TBC1D1: variants seen among roughly 807,000 people sequenced by gnomAD.
TBC1D1 encodes the protein TBC1 (tre-2/USP6, BUB2, cdc16) domain family, member 1.
A neutral mutation model predicts 125.6 loss-of-function variants in TBC1D1; 89 were observed. The observed-to-expected ratio is 0.71, with a 90% CI of 0.60 to 0.85. The LOEUF is 0.85. TBC1D1 is among the 40% of genes least tolerant of loss of function. TBC1D1 has a pLI of 0.00. For missense variants in TBC1D1, 1,377 were observed against 1,469.2 expected (o/e 0.94, Z 1.03); for synonymous variants, 565 against 564.1 (o/e 1.00, Z -0.02).
chr4:38,010,248 C>G (rs946169284), intron 2 of TBC1D1, among the ~76,000 whole-genome samples: 1 of 152,126 alleles, frequency 6.6e-6, no homozygotes, highest in Non-Finnish European at 1.5e-5. Context: ...CTCTCTCAGC[C>G]CTTATCCTGT....
Position 37,970,348 on chromosome 4 carries a change from A to G in TBC1D1, c.418-44161A>G, listed in dbSNP as rs1393853441. 6.6e-5 allele frequency among the ~76,000 whole-genome samples: 10 copies of G among 152,332 alleles called. No homozygotes were observed. In the East Asian group the frequency reaches 1.9e-3, roughly 29 times the overall value. On this transcript the variant is annotated intron_variant, in intron 2 of 19. Coordinates refer to ENST00000261439, the MANE Select transcript of TBC1D1 (RefSeq NM_015173.4). The stretch of plus-strand genomic sequence containing the variant: ...TTTTCTGTTTGTAAGAGATGATTGC[A>G]TATCATCAAACTTACACTAACATTC...
At chr4:38,008,859 C>T (rs1740893592) in intron 2 of TBC1D1, among the ~76,000 whole-genome samples, 1 of 152,208 alleles carries the variant, frequency 6.6e-6, no homozygotes, top group Non-Finnish European at 1.5e-5. Context: ...TTGGAAATCA[C>T]ATATGCGTGA....
chr4:37,894,477 G>A (rs1183060335), intron 1 of TBC1D1, among the ~76,000 whole-genome samples: 2 of 152,166 alleles, frequency 1.3e-5, no homozygotes, highest in African/African-American at 2.4e-5. Flanking sequence ...CCAACAAAGA[G>A]GCATTTAATT....
chr4:37,925,675 C>A, intron 2 of TBC1D1, among the ~76,000 whole-genome samples: 1 of 121,424 alleles, frequency 8.2e-6, no homozygotes, highest in African/African-American at 2.9e-5. Context: ...GAGCGAGACT[C>A]CATCTCAAAA....
intron 1 of TBC1D1, among the ~76,000 whole-genome samples, chr4:37,894,219 C>T (rs1488891508): frequency 1.3e-5 from 2 of 152,076 alleles, no homozygotes; most frequent in Non-Finnish European, 2.9e-5. Context: ...GAACTCCCGA[C>T]CTTGTGATCC....
At chr4:38,082,332 G>T (rs1756715982) in intron 12 of TBC1D1, among the ~76,000 whole-genome samples, 1 of 152,278 alleles carries the variant, frequency 6.6e-6, no homozygotes, top group African/African-American at 2.4e-5. Context: ...CACTGACCAG[G>T]GGCCATGGTG....
chr4:37,930,114 A>T (rs1195857992), intron 2 of TBC1D1, among the ~76,000 whole-genome samples: 3 of 152,232 alleles, frequency 2.0e-5, no homozygotes. Context: ...ACAACCCATC[A>T]ACAGTAGAAT....
chr4:38,063,230 A>G (rs1350098165), intron 12 of TBC1D1, among the ~76,000 whole-genome samples: 1 of 152,232 alleles, frequency 6.6e-6, no homozygotes, highest in East Asian at 1.9e-4. Context: ...GGCTGGGACT[A>G]GAGTGAGGCC....
At chr4:37,989,070 G>A (rs1185733960) in intron 2 of TBC1D1, among the ~76,000 whole-genome samples, 1 of 152,116 alleles carries the variant, frequency 6.6e-6, no homozygotes, top group Non-Finnish European at 1.5e-5. Flanking sequence ...GTCTCTTATG[G>A]GGAAAATCTA....
intron 18 of TBC1D1, among the ~76,000 whole-genome samples, chr4:38,131,185 G>A (rs1765528616): frequency 6.6e-6 from 1 of 152,160 alleles, no homozygotes; most frequent in Non-Finnish European, 1.5e-5. Flanking sequence ...TTATGGCTTT[G>A]GGTACTGCTG....
intron 12 of TBC1D1, among the ~76,000 whole-genome samples, chr4:38,066,302 T>A (rs1418045122): frequency 1.3e-5 from 2 of 150,448 alleles, no homozygotes; most frequent in Non-Finnish European, 3.0e-5. Flanking sequence ...AGAGGCTTCC[T>A]AGTTGAGTGG....
At chr4:37,994,733 A>C (rs1253077935) in intron 2 of TBC1D1, among the ~76,000 whole-genome samples, 5 of 152,154 alleles carry the variant, frequency 3.3e-5, no homozygotes, top group Admixed American at 2.6e-4. Flanking sequence ...GATCAGCAAG[A>C]AGGAGGGTGA....
intron 8 of TBC1D1, among the ~76,000 whole-genome samples, chr4:38,040,277 TTTTC>T (rs1216546638): frequency 6.6e-5 from 10 of 152,108 alleles, no homozygotes; most frequent in South Asian, 2.1e-4. Flanking sequence ...TTAGCTAATA[TTTTC>T]TTTCTTTCTT....
chr4:37,960,979 C>T (rs1479830100), intron 2 of TBC1D1: 1 of 1,614,104 alleles, frequency 6.2e-7, no homozygotes, highest in Admixed American at 1.7e-5. Context: ...TTTGCAGTCT[C>T]CTTCAAGCAT....
At chr4:37,953,649 T>C (rs575911542) in intron 2 of TBC1D1, among the ~76,000 whole-genome samples, 5 of 152,272 alleles carry the variant, frequency 3.3e-5, no homozygotes, top group African/African-American at 9.6e-5. Flanking sequence ...AGTAGAAGAA[T>C]TGACTAAGGT....
chr4:37,982,773 T>G (rs1322252818), intron 2 of TBC1D1, among the ~76,000 whole-genome samples: 1 of 152,242 alleles, frequency 6.6e-6, no homozygotes, highest in Non-Finnish European at 1.5e-5. Context: ...TTTTAACCTG[T>G]ATGTGTGTCC....
At chr4:38,065,127 G>A (rs959974193) in intron 12 of TBC1D1, among the ~76,000 whole-genome samples, 8 of 151,956 alleles carry the variant, frequency 5.3e-5, no homozygotes, top group South Asian at 2.1e-4. Context: ...TAATAGAGAC[G>A]GAGTTTTTCC....
chr4:38,125,200 G>A, intron 18 of TBC1D1, 69 bp downstream of exon 20: 1 of 1,484,750 alleles, frequency 6.7e-7, no homozygotes, highest in Non-Finnish European at 9.3e-7. Flanking sequence ...AATCTCTCTT[G>A]AGCAGGAACT....
rs570393626 is a variant in TBC1D1 at position 37,897,045 on chromosome 4, G to C, written c.-93-4958G>C. On this transcript the variant is annotated intron_variant, in intron 1 of 19. Transcript: ENST00000261439. ...TCTACTAACAAGAACGTTACTAGAA[G>C]CTTATTGGAATCACAGTATTTCTTG... Among the ~76,000 whole-genome samples, 3 of 152,200 alleles carry C rather than the reference G, an allele frequency of 2.0e-5. No individual in the cohort carries two copies. In the East Asian group the frequency reaches 5.8e-4, roughly 29 times the overall value.
Sources: gnomAD v4.1 joint callset for allele counts (sites outside exome capture counted in the v4.1 genomes callset) on GRCh38, gnomAD v4.1.1 for gene constraint, MANE v1.5 for transcripts, NCBI Gene and HGNC (gene_info 2026-07-23, HGNC 2026-07-21) for gene names.